The following ZNF721 variants were observed in gnomAD, a reference collection of about 807,000 sequenced individuals.
The protein encoded by ZNF721 is zinc finger protein 721.
ZNF721 carries 2 observed loss-of-function variants against 2.4 expected under a neutral mutation model. The observed-to-expected ratio is 0.82, with a 90% CI of 0.34 to 2.58. ZNF721 has a LOEUF of 2.58. Ranked by LOEUF, ZNF721 falls within the 30% of genes most tolerant of loss-of-function variation. ZNF721 has a pLI of 0.11. For missense variants in ZNF721, 1,187 were observed against 1,085.5 expected (o/e 1.09, Z -1.31); for synonymous variants, 398 against 381.8 (o/e 1.04, Z -0.50).
chr4:487,713 G>C (rs1715931427), intron 1 of ZNF721, among the ~76,000 whole-genome samples: 1 of 152,132 alleles, frequency 6.6e-6, no homozygotes, highest in Non-Finnish European at 1.5e-5. Context: ...GACTTATACA[G>C]AAGTGAGGCA....
At chr4:469,460 C>T (rs1715361150) in intron 2 of ZNF721, among the ~76,000 whole-genome samples, 1 of 152,026 alleles carries the variant, frequency 6.6e-6, no homozygotes, top group African/African-American at 2.4e-5. Context: ...GACACAAACA[C>T]ATATTTCATT....
Position 499,127 on chromosome 4 carries a change from G to A in ZNF721, c.-165C>T, listed in dbSNP as rs1484006295. ...CACGGAGCCGGGAACACCGCCCGCT[G>A]TTCGTATGTCCGAGGTGACGCCCCG... On this transcript the variant is annotated 5_prime_UTR_variant, in exon 1 of 3. Coordinates refer to ENST00000511833, the MANE Select transcript of ZNF721 (RefSeq NM_133474.4). 2 of 584,904 alleles carry A rather than the reference G, an allele frequency of 3.4e-6. No individual in the cohort carries two copies. The highest frequency in any genetic ancestry group is 5.8e-6 in the Non-Finnish European group (2 of 341,970). The allele number at this position is 584,904 out of a possible 1,614,324, so 36.2% of individuals were successfully genotyped here.
At chr4:479,394 C>A (rs79578106) in intron 1 of ZNF721, among the ~76,000 whole-genome samples, 3,768 of 152,286 alleles carry the variant, frequency 0.025, 48 homozygotes, top group Middle Eastern at 0.055. Context: ...CTGGCTCCCC[C>A]AGAACACCTC....
At chr4:459,992 A>G (rs1286035979) in intron 2 of ZNF721, among the ~76,000 whole-genome samples, 1 of 152,158 alleles carries the variant, frequency 6.6e-6, no homozygotes, top group Non-Finnish European at 1.5e-5. Context: ...CTCACACAAT[A>G]ATAATGGGAG....
chr4:484,634 T>TC (rs1358094028), intron 1 of ZNF721, among the ~76,000 whole-genome samples: 2 of 152,208 alleles, frequency 1.3e-5, no homozygotes, highest in East Asian at 1.9e-4. Context: ...GACTCCAGTC[T>TC]CCCATAGTGC....
chr4:458,982 G>C (rs1714934458), intron 2 of ZNF721, among the ~76,000 whole-genome samples: 1 of 152,204 alleles, frequency 6.6e-6, no homozygotes, highest in Non-Finnish European at 1.5e-5. Context: ...CAAGCCAGAA[G>C]AAAGTGGGGG....
intron 2 of ZNF721, among the ~76,000 whole-genome samples, chr4:450,378 T>A (rs782498358): frequency 2.0e-5 from 3 of 152,154 alleles, no homozygotes; most frequent in Non-Finnish European, 4.4e-5. Context: ...ACAACACAAA[T>A]GAACGTGGAG....
At chr4:484,639 T>C (rs1409008392) in intron 1 of ZNF721, among the ~76,000 whole-genome samples, 4 of 152,218 alleles carry the variant, frequency 2.6e-5, no homozygotes, top group African/African-American at 7.2e-5. Flanking sequence ...CAGTCTCCCA[T>C]AGTGCTCCCA....
At chr4:446,461 A>G (rs1302854809) in intron 2 of ZNF721, among the ~76,000 whole-genome samples, 4 of 151,316 alleles carry the variant, frequency 2.6e-5, no homozygotes, top group Non-Finnish European at 2.9e-5. Flanking sequence ...GCTCACTGCA[A>G]CCTCTGCCTG....
chr4:499,102 C>G lies in ZNF721; in HGVS notation c.-140G>C. ...CGCGGACTCGCCGGGAAGACGGCCC[C>G]ACGGAGCCGGGAACACCGCCCGCTG... On this transcript the variant is annotated 5_prime_UTR_variant, in exon 1 of 3. Transcript: ENST00000511833. The G allele has an allele frequency of 3.7e-6, 2 of 547,698 alleles. No homozygotes were observed. The highest frequency in any genetic ancestry group is 6.6e-5 in the East Asian group (2 of 30,102). 33.9% of individuals were successfully genotyped at this position (547,698 alleles called of 1,614,324 possible). A position where few individuals can be genotyped will look rare whatever the true frequency, so the allele number is the denominator to read the frequency against.
intron 2 of ZNF721, among the ~76,000 whole-genome samples, chr4:456,163 C>T (rs1348190078): frequency 4.6e-5 from 7 of 152,042 alleles, no homozygotes; most frequent in Non-Finnish European, 7.4e-5. Flanking sequence ...CTCCGCCTCC[C>T]GGGTTCAAGT....
chr4:456,676 C>T (rs557172392), intron 2 of ZNF721, among the ~76,000 whole-genome samples: 1 of 152,108 alleles, frequency 6.6e-6, no homozygotes, highest in African/African-American at 2.4e-5. Context: ...GTCAAGAGAT[C>T]GAGACCATTC....
At chr4:472,170 C>T (rs1715457266) in intron 2 of ZNF721, among the ~76,000 whole-genome samples, 3 of 152,192 alleles carry the variant, frequency 2.0e-5, no homozygotes, top group African/African-American at 4.8e-5. Flanking sequence ...TCAAGTGATT[C>T]TCCGCCTAAG....
At chr4:467,858 T>C (rs921641978) in intron 2 of ZNF721, among the ~76,000 whole-genome samples, 1 of 152,104 alleles carries the variant, frequency 6.6e-6, no homozygotes, top group Non-Finnish European at 1.5e-5. Context: ...TCCCAGGGGC[T>C]GGGCGCGGTG....
chr4:478,439 G>A (rs1008223724), intron 1 of ZNF721, among the ~76,000 whole-genome samples: 1 of 152,036 alleles, frequency 6.6e-6, no homozygotes, highest in Non-Finnish European at 1.5e-5. Context: ...ATCTTGAACT[G>A]TTTGCCTCAA....
chr4:482,529 C>A (rs1159889197), intron 1 of ZNF721, among the ~76,000 whole-genome samples: 2 of 151,622 alleles, frequency 1.3e-5, no homozygotes, highest in African/African-American at 4.9e-5. Flanking sequence ...GGGACTCTCA[C>A]TCTGTCACCC....
At chr4:498,726 C>CTTTCT (rs1371162829) in intron 1 of ZNF721, among the ~76,000 whole-genome samples, 5 of 132,552 alleles carry the variant, frequency 3.8e-5, no homozygotes, top group African/African-American at 1.4e-4. Context: ...GTTGAATTTT[C>CTTTCT]TTTTTTTTTT....
At chr4:474,252 G>C (rs1311871861) in intron 1 of ZNF721, 1 of 356,094 alleles carries the variant, frequency 2.8e-6, no homozygotes, top group Non-Finnish European at 5.5e-6. Flanking sequence ...CAGGCTTCAC[G>C]CCCTCAGGCT....
chr4:451,265 C>T lies in ZNF721; in HGVS notation c.35-6833G>A, dbSNP rs533880732. Among the ~76,000 whole-genome samples the T allele has an allele frequency of 2.0e-5, 3 of 152,066 alleles. No individual in the cohort carries two copies. The East Asian group carries it at 5.8e-4, about 29-fold the overall frequency. The stretch of plus-strand genomic sequence containing the variant: ...AGTTCCCAAACAGGTTGTGTGAGCC[C>T]CTTGACGTCTTCAGCCAGCACTGTT... On this transcript the variant is annotated intron_variant, in intron 2 of 2. Transcript: ENST00000511833.
Sources: allele counts gnomAD v4.1 joint callset (sites outside exome capture counted in the v4.1 genomes callset), GRCh38; gene constraint gnomAD v4.1.1; transcripts MANE v1.5; gene names NCBI Gene and HGNC (gene_info 2026-07-23, HGNC 2026-07-21).